ZDHHC8: variants seen among roughly 807,000 people sequenced by gnomAD.
ZDHHC8 encodes palmitoyltransferase ZDHHC8.
A neutral mutation model predicts 61.2 loss-of-function variants in ZDHHC8; 24 were observed. The observed-to-expected ratio is 0.39, with a 90% CI of 0.28 to 0.55. ZDHHC8 has a LOEUF of 0.55. Among genes scored for constraint, ZDHHC8 ranks in the 20% least tolerant of loss-of-function variants. The pLI, the probability that ZDHHC8 is intolerant of heterozygous loss-of-function variation, is 0.60. For missense variants in ZDHHC8, 935 were observed against 1,102.1 expected, an observed-to-expected ratio of 0.85 and a Z score of 2.15; for synonymous variants, 523 against 492.5, an observed-to-expected ratio of 1.06 and a Z score of -0.82.
Position 20,140,159 on chromosome 22 carries a change from T to C in ZDHHC8, c.602T>C (p.Ile201Thr). Residue 201 changes from isoleucine (I) to threonine (T), a missense_variant, in exon 5 of 11, where the codon ATT becomes ACT. Ile to Thr is a moderately conservative substitution (Grantham distance 89, BLOSUM62 -1). Transcript: ENST00000334554. ...CVAGLFFIPVIGLTGFHVVLV... is the reference protein window; with the variant it reads ...CVAGLFFIPVTGLTGFHVVLV... ...GCCGGCCTCTTCTTCATCCCTGTCATTGGCCTCACTGGCTTCCATGTGGTG... is the reference window on the plus strand; with the variant it reads ...GCCGGCCTCTTCTTCATCCCTGTCACTGGCCTCACTGGCTTCCATGTGGTG... 1 of 1,613,662 alleles carries C rather than the reference T, an allele frequency of 6.2e-7. No individual in the cohort carries two copies. The highest frequency in any genetic ancestry group is 8.5e-7 in the Non-Finnish European group (1 of 1,180,000).
At position 20,146,163 on chromosome 22, in the gene ZDHHC8, C is replaced by A; in HGVS notation, c.*763C>A. 1.0e-6 allele frequency: 1 copy of A among 985,630 alleles called. No homozygotes were observed. Among genetic ancestry groups the A allele is most frequent in the African/African-American group, 1.7e-5 (1 of 57,334 alleles). The allele number at this position is 985,630 out of a possible 1,614,324, so 61.1% of individuals were successfully genotyped here. A position where few individuals can be genotyped will look rare whatever the true frequency, so the allele number is the denominator to read the frequency against. On this transcript the variant is annotated 3_prime_UTR_variant, in exon 11 of 11. Transcript: ENST00000334554. ...ACGGGGGGGCAGGCGGGAGCAGGCA[C>A]GGGGGTGATGCTGCCACAGGGGGCT...
intron 1 of ZDHHC8, among the ~76,000 whole-genome samples, chr22:20,138,860 A>ACCGCCC (rs1249215146): frequency 6.6e-6 from 1 of 151,880 alleles, no homozygotes; most frequent in South Asian, 2.1e-4. Flanking sequence ...CAGCCTGTGT[A>ACCGCCC]CCGCCCCCGC....
chr22:20,135,690 T>C (rs1165400934), intron 1 of ZDHHC8, among the ~76,000 whole-genome samples: 1 of 152,228 alleles, frequency 6.6e-6, no homozygotes, highest in Non-Finnish European at 1.5e-5. Flanking sequence ...GCCCCCCTGC[T>C]GGGACCCACC....
rs1267733577 is a variant in ZDHHC8 at position 20,131,846 on chromosome 22, G to GCA, written c.-102_-101insCA. On this transcript the variant is annotated 5_prime_UTR_variant, in exon 1 of 11. Coordinates refer to ENST00000334554, the MANE Select transcript of ZDHHC8 (RefSeq NM_013373.4). ...CCGCCGCCGCCGCCGCCGCCGCCGC[G>GCA]GGTCCTGCGCCGCGTCCAGCCCGCC... 1 of 361,684 alleles carries GCA rather than the reference G, an allele frequency of 2.8e-6. No homozygotes were observed. The highest frequency in any genetic ancestry group is 3.8e-6 in the Non-Finnish European group (1 of 262,534). The allele number at this position is 361,684 out of a possible 1,614,324, so 22.4% of individuals were successfully genotyped here. A position where few individuals can be genotyped will look rare whatever the true frequency, so the allele number is the denominator to read the frequency against.
intron 1 of ZDHHC8, among the ~76,000 whole-genome samples, chr22:20,134,815 G>A (rs745616141): frequency 2.0e-5 from 3 of 152,186 alleles, no homozygotes; most frequent in Non-Finnish European, 4.4e-5. Context: ...ATCTCTCTAG[G>A]AGGGTCTGGG....
chr22:20,131,887 CGA>C lies in ZDHHC8; in HGVS notation c.-60_-59del. The C allele has an allele frequency of 3.4e-4, 257 of 764,176 alleles. No individual in the cohort carries two copies. Among genetic ancestry groups the C allele is most frequent in the Middle Eastern group, 6.4e-4 (1 of 1,554 alleles). The allele number at this position is 764,176 out of a possible 1,614,324, so 47.3% of individuals were successfully genotyped here. A position where few individuals can be genotyped will look rare whatever the true frequency, so the allele number is the denominator to read the frequency against. Reference sequence around the variant, plus strand: ...CCAGCCCGCCCGCCCGACCCCGGCCCGACCCCGGCCGGCCCTGCCCGCCCGGC... The same window carrying C: ...CCAGCCCGCCCGCCCGACCCCGGCCCCCCCGGCCGGCCCTGCCCGCCCGGC... On this transcript the variant is annotated 5_prime_UTR_variant, in exon 1 of 11. Transcript: ENST00000334554.
chr22:20,141,553 C>T (rs760264621), intron 9 of ZDHHC8, 23 bp downstream of exon 9: 3 of 1,584,196 alleles, frequency 1.9e-6, no homozygotes, highest in Admixed American at 3.6e-5. Context: ...AGCCTGCCCC[C>T]TGGCAGGCCT....
Position 20,139,502 on chromosome 22 carries a change from A to G in ZDHHC8, c.251A>G (p.Asp84Gly), listed in dbSNP as rs760740234. 1 of 1,613,572 alleles carries G rather than the reference A, an allele frequency of 6.2e-7. No individual in the cohort carries two copies. Among genetic ancestry groups the G allele is most frequent in the South Asian group, 1.1e-5 (1 of 91,074 alleles). ...PRADEDEDKEDDFRAPLYKNV... is the reference protein window; with the variant it reads ...PRADEDEDKEGDFRAPLYKNV... ...GCGGATGAGGATGAGGACAAGGAGG[A>G]CGACTTCCGGGCTCCGCTGTACAAG... Residue 84 changes from aspartate (D) to glycine (G), a missense_variant, in exon 3 of 11, where the codon GAC becomes GGC. Asp to Gly is a moderately conservative substitution (Grantham distance 94, BLOSUM62 -1). This residue lies in a region of ZDHHC8 where 199 missense variants were observed against 334.0 expected (regional missense o/e 0.60). Transcript: ENST00000334554.
At chr22:20,133,322 GA>G (rs1425116139) in intron 1 of ZDHHC8, among the ~76,000 whole-genome samples, 1 of 152,106 alleles carries the variant, frequency 6.6e-6, no homozygotes, top group Non-Finnish European at 1.5e-5. Flanking sequence ...AAGGCTTCTG[GA>G]GGGGTGGGCC....
In ZDHHC8 at chr22:20,143,189, C is replaced by T. The variant is rs1374420931; in HGVS notation, c.1559C>T (p.Pro520Leu). 1.9e-6 allele frequency: 3 copies of T among 1,609,614 alleles called. No individual in the cohort carries two copies. The highest frequency in any genetic ancestry group is 1.7e-6 in the Non-Finnish European group (2 of 1,179,516). Residue 520 changes from proline (P) to leucine (L), a missense_variant, in exon 10 of 11, where the codon CCC becomes CTC. Transcript: ENST00000334554. Reference sequence around the variant, plus strand: ...GGGGCAACGGGCGACCCGCCACGGCCCCTACCCCGCAGCTTCAGCCCCGTG... The same window carrying T: ...GGGGCAACGGGCGACCCGCCACGGCTCCTACCCCGCAGCTTCAGCCCCGTG... ...HPGATGDPPRPLPRSFSPVLG... is the reference protein window; with the variant it reads ...HPGATGDPPRLLPRSFSPVLG...
chr22:20,133,480 G>T (rs2050395293), intron 1 of ZDHHC8, among the ~76,000 whole-genome samples: 1 of 152,162 alleles, frequency 6.6e-6, no homozygotes, highest in Admixed American at 6.5e-5. Flanking sequence ...TGTAATCCCA[G>T]CACTTTGGGA....
At chr22:20,141,050 C>A (rs773478610) in intron 7 of ZDHHC8, 38 bp downstream of exon 7, 2 of 1,606,794 alleles carry the variant, frequency 1.2e-6, no homozygotes, top group Non-Finnish European at 1.7e-6. Context: ...GGCAGTCAGG[C>A]CCTTGGATGG....
intron 1 of ZDHHC8, among the ~76,000 whole-genome samples, chr22:20,136,698 C>G (rs1252459128): frequency 5.9e-5 from 9 of 152,204 alleles, no homozygotes; most frequent in Non-Finnish European, 8.8e-5. Context: ...GTGTGCATGT[C>G]TGCATGCAAG....
In ZDHHC8 at chr22:20,146,417, A is replaced by ATATATC. The variant is rs1040506548; in HGVS notation, c.*1022_*1027dup. 2 of 983,852 alleles carry ATATATC rather than the reference A, an allele frequency of 2.0e-6. No individual in the cohort carries two copies. The highest frequency in any genetic ancestry group is 2.4e-6 in the Non-Finnish European group (2 of 828,558). 60.9% of individuals were successfully genotyped at this position (983,852 alleles called of 1,614,324 possible). A position where few individuals can be genotyped will look rare whatever the true frequency, so the allele number is the denominator to read the frequency against. ...GTTTTATGTTTTTATATCTACATCT[A>ATATATC]TATATCTATAATTTTATTAAAAAAA... On this transcript the variant is annotated 3_prime_UTR_variant, in exon 11 of 11. Transcript: ENST00000334554.
chr22:20,143,934 C>T (rs2050499340), intron 10 of ZDHHC8, among the ~76,000 whole-genome samples, 178 bp downstream of exon 10: 1 of 152,180 alleles, frequency 6.6e-6, no homozygotes, highest in South Asian at 2.1e-4. Context: ...CCCGTGTGGC[C>T]CAGCTCTGAG....
chr22:20,137,469 G>A (rs1000835940), intron 1 of ZDHHC8, among the ~76,000 whole-genome samples: 6 of 152,266 alleles, frequency 3.9e-5, no homozygotes, highest in South Asian at 2.1e-4. Context: ...CTTGCAGCCC[G>A]AGGGTTGACC....
rs757280778 is a variant in ZDHHC8 at position 20,139,518 on chromosome 22, G to T, written c.267G>T (p.Pro89=). 1.2e-6 allele frequency: 2 copies of T among 1,613,602 alleles called. No homozygotes were observed. The highest frequency in any genetic ancestry group is 1.7e-6 in the Non-Finnish European group (2 of 1,179,990). Residue 89 remains proline, a synonymous_variant, in exon 3 of 11, where the codon CCG becomes CCT. Coordinates refer to ENST00000334554, the MANE Select transcript of ZDHHC8 (RefSeq NM_013373.4). ...ACAAGGAGGACGACTTCCGGGCTCC[G>T]CTGTACAAGAACGTGGATGTGCGAG... ...DEDKEDDFRA[P]LYKNVDVRGI...
chr22:20,142,798 C>T lies in ZDHHC8; in HGVS notation c.1168C>T (p.Arg390Cys), dbSNP rs201892248. 3.8e-5 allele frequency: 62 copies of T among 1,612,682 alleles called. No individual in the cohort carries two copies. In the East Asian group the frequency reaches 5.6e-4, roughly 14 times the overall value. ...CCTGACCCTGGGGGACGACAGCATC[C>T]GTAGCCTGGACTTTGTGTCCGAGCC... Reference protein sequence around the residue: ...DSLTLGDDSIRSLDFVSEPSL... With the variant: ...DSLTLGDDSICSLDFVSEPSL... The change falls in exon 10 of 11, where the codon CGT becomes TGT. Residue 390 changes from arginine to cysteine, a missense_variant. Arg to Cys is a radical substitution (Grantham distance 180). Coordinates refer to ENST00000334554, the MANE Select transcript of ZDHHC8 (RefSeq NM_013373.4).
Position 20,143,109 on chromosome 22 carries a change from C to T in ZDHHC8, c.1479C>T (p.Cys493=), listed in dbSNP as rs771076538. The change falls in exon 10 of 11, where the codon TGC becomes TGT. Residue 493 remains cysteine (C), a synonymous_variant. Coordinates refer to ENST00000334554, the MANE Select transcript of ZDHHC8 (RefSeq NM_013373.4). ...LNPGSPGGHA[C]PAHPAVGVAG... is the part of the protein sequence containing the mutation. The stretch of plus-strand genomic sequence containing the variant: ...CTGGCTCGCCTGGTGGCCACGCCTG[C>T]CCTGCCCACCCAGCAGTTGGCGTGG... The T allele has an allele frequency of 1.9e-5, 31 of 1,612,226 alleles. No homozygotes were observed. Among genetic ancestry groups the T allele is most frequent in the Non-Finnish European group, 2.5e-5 (29 of 1,179,866 alleles).
Sources: gnomAD v4.1 joint callset for allele counts (sites outside exome capture counted in the v4.1 genomes callset) on GRCh38, gnomAD v4.1.1 for gene constraint, gnomAD v4.1.1 regional missense constraint, MANE v1.5 for transcripts, NCBI Gene and HGNC (gene_info 2026-07-23, HGNC 2026-07-21) for gene names.